The following SUGP2 variants were observed in gnomAD, a reference collection of about 807,000 sequenced individuals.
SUGP2 encodes SURP and G-patch domain-containing protein 2.
SUGP2 carries 24 observed loss-of-function variants against 90.5 expected under a neutral mutation model. The ratio of observed to expected loss-of-function variants is 0.27; its 90% CI spans 0.19 to 0.37. The LOEUF (loss-of-function observed/expected upper bound fraction) is 0.37. Ranked by LOEUF, SUGP2 falls within the 10% of genes least tolerant of loss-of-function variation. The pLI is 1.00. For synonymous variants in SUGP2, 473 were observed against 513.4 expected, an observed-to-expected ratio of 0.92 and a Z score of 1.06; for missense variants, 1,233 against 1,363.3, an observed-to-expected ratio of 0.90 and a Z score of 1.51.
In SUGP2 at chr19:19,004,285, C is replaced by T. The variant is rs143253555; in HGVS notation, c.2812G>A (p.Ala938Thr). ...GTACCTGAGGAGGCCTGTGACAAGG[C>T]AGGTGCTCCAGCCAGGTCGTCCTCG... Reference protein sequence around the residue: ...AAEDDLAGAPALSQASSGTCF... With the variant: ...AAEDDLAGAPTLSQASSGTCF... Residue 938 changes from alanine (A) to threonine (T), a missense_variant, in exon 7 of 11, where the codon GCC becomes ACC. Around this residue, in one of 8 missense-constraint regions of SUGP2, gnomAD observed 105 missense variants for 155.2 expected, o/e 0.68. Transcript: ENST00000452918. 3.1e-5 allele frequency: 50 copies of T among 1,613,928 alleles called. No individual in the cohort carries two copies. In the East Asian group the frequency reaches 5.3e-4, roughly 17 times the overall value.
intron 9 of SUGP2, 199 bp downstream of exon 9, chr19:18,994,945 T>G (rs1568370651): frequency 1.5e-6 from 1 of 651,834 alleles, no homozygotes; most frequent in African/African-American, 1.8e-5. Flanking sequence ...TTAAAAAATC[T>G]ACACCAGGAC....
At position 19,009,871 on chromosome 19, in the gene SUGP2, G is replaced by A. The variant is rs562691151; in HGVS notation, c.2322C>T (p.Pro774=). 1 of 1,608,528 alleles carries A rather than the reference G, an allele frequency of 6.2e-7. No homozygotes were observed. The change falls in exon 5 of 11, where the codon CCC becomes CCT. Residue 774 remains proline (P), a synonymous_variant. Transcript: ENST00000452918. ...AGCACCCACTGTCAGCAGATGGGCA[G>A]GGAGAAGAGGTCTGAGGTGCTTCAG... The part of the protein sequence containing the change: ...DISEAPQTSS[P]CPSADIDMKT...
In SUGP2 at chr19:19,004,372, G is replaced by A; in HGVS notation, c.2725C>T (p.Pro909Ser). Residue 909 changes from proline to serine, a missense_variant, in exon 7 of 11, where the codon CCT (proline) becomes TCT (serine). Transcript: ENST00000452918. ...DEDGGEEAPA[P>S]GGAGKSEGST... ...CCCTCAGACTTGCCCGCCCCTCCAG[G>A]AGCGGGGGCCTCCTCTCCCCCATCC... 2 of 1,613,810 alleles carry A rather than the reference G, an allele frequency of 1.2e-6. No individual in the cohort carries two copies. The highest frequency in any genetic ancestry group is 8.5e-7 in the Non-Finnish European group (1 of 1,179,848).
At chr19:19,029,987 G>T (rs868335538) in intron 2 of SUGP2, among the ~76,000 whole-genome samples, 25 of 151,722 alleles carry the variant, frequency 1.6e-4, no homozygotes, top group Non-Finnish European at 2.8e-4. Flanking sequence ...CCTGGGCAGC[G>T]GTGACAGGGA....
chr19:19,005,877 A>C lies in SUGP2; in HGVS notation c.2451-1231T>G, dbSNP rs1568400839. On this transcript the variant is annotated intron_variant, in intron 6 of 10. Transcript: ENST00000452918. ...CACACACACACACACACACACACACACACACACACACACACCACACACACA... is the reference window on the plus strand; with the variant it reads ...CACACACACACACACACACACACACCCACACACACACACACCACACACACA... Among the ~76,000 whole-genome samples the C allele has an allele frequency of 8.6e-5, 5 of 58,008 alleles. 1 individual carries two copies. Among genetic ancestry groups the C allele is most frequent in the African/African-American group, 4.0e-4 (4 of 10,014 alleles). 38.1% of individuals were successfully genotyped at this position (58,008 alleles called of 152,430 possible). A position where few individuals can be genotyped will look rare whatever the true frequency, so the allele number is the denominator to read the frequency against.
chr19:19,016,187 C>T (rs942611839), intron 4 of SUGP2, among the ~76,000 whole-genome samples: 1 of 152,150 alleles, frequency 6.6e-6, no homozygotes, highest in Admixed American at 6.5e-5. Flanking sequence ...CGCCACCAGG[C>T]CCGGCTAATT....
rs35875282 is a variant in SUGP2 at position 18,997,782 on chromosome 19, C to CAA, written c.2992-2504_2992-2503dup. Among the ~76,000 whole-genome samples, 315 of 88,004 alleles carry CAA rather than the reference C, an allele frequency of 3.6e-3. 2 individuals carry two copies. Among genetic ancestry groups the CAA allele is most frequent in the South Asian group, 5.0e-3 (12 of 2,384 alleles). The allele number at this position is 88,004 out of a possible 152,430, so 57.7% of individuals were successfully genotyped here. A position where few individuals can be genotyped will look rare whatever the true frequency, so the allele number is the denominator to read the frequency against. On this transcript the variant is annotated intron_variant, in intron 8 of 10. Coordinates refer to ENST00000452918, the MANE Select transcript of SUGP2 (RefSeq NM_001017392.5). ...TTGGCGACAAAGGGAGACTCCGTCT[C>CAA]AAAAAAAAAAAAAAAAAAAAAGAAA...
chr19:19,013,871 T>C (rs1476705058), intron 4 of SUGP2, among the ~76,000 whole-genome samples: 1 of 152,190 alleles, frequency 6.6e-6, no homozygotes, highest in Non-Finnish European at 1.5e-5. Flanking sequence ...TCCTGCACTG[T>C]TGTTATCATT....
chr19:19,015,750 C>T (rs2058476866), intron 4 of SUGP2, among the ~76,000 whole-genome samples: 2 of 152,124 alleles, frequency 1.3e-5, no homozygotes. Flanking sequence ...AGTCATCTGT[C>T]CCCCTCGGTC....
At chr19:19,019,304 T>C (rs878942862) in intron 3 of SUGP2, 75 bp from the exon 4 acceptor site, 5 of 1,527,582 alleles carry the variant, frequency 3.3e-6, no homozygotes, top group African/African-American at 2.7e-5. Flanking sequence ...AGTTGAGTAG[T>C]TGGGGGCTTA....
chr19:19,026,477 G>A (rs2058937405), intron 2 of SUGP2, among the ~76,000 whole-genome samples: 1 of 152,126 alleles, frequency 6.6e-6, no homozygotes, highest in South Asian at 2.1e-4. Context: ...CCCTGATGAC[G>A]TCAACCCAGG....
At chr19:18,996,738 G>C (rs1480636027) in intron 8 of SUGP2, among the ~76,000 whole-genome samples, 1 of 152,154 alleles carries the variant, frequency 6.6e-6, no homozygotes, top group Non-Finnish European at 1.5e-5. Context: ...TTTTAGTAGA[G>C]ACGGGGTTTC....
chr19:19,012,903 AC>A (rs1278066544), intron 4 of SUGP2, among the ~76,000 whole-genome samples: 16 of 151,712 alleles, frequency 1.1e-4, no homozygotes, highest in South Asian at 4.2e-4. Context: ...TCGCTCTGTC[AC>A]CCAGGCTGGA....
At chr19:19,030,579 C>G (rs1466819530) in intron 2 of SUGP2, among the ~76,000 whole-genome samples, 1 of 151,980 alleles carries the variant, frequency 6.6e-6, no homozygotes, top group Non-Finnish European at 1.5e-5. Flanking sequence ...GGGAGGATAT[C>G]CAGTGAGAAG....
At chr19:19,031,784 G>A (rs958123516) in intron 1 of SUGP2, among the ~76,000 whole-genome samples, 4 of 150,688 alleles carry the variant, frequency 2.7e-5, no homozygotes, top group South Asian at 2.1e-4. Flanking sequence ...CATAATCCTC[G>A]CATGGTACTT....
intron 8 of SUGP2, among the ~76,000 whole-genome samples, chr19:18,998,127 C>T (rs1047318018): frequency 2.0e-5 from 3 of 152,218 alleles, no homozygotes; most frequent in African/African-American, 7.2e-5. Context: ...TGCCTCCATT[C>T]ATCTCTCCTA....
At chr19:19,009,756 C>T in intron 5 of SUGP2, 99 bp downstream of exon 5, 2 of 1,453,596 alleles carry the variant, frequency 1.4e-6, no homozygotes, top group Non-Finnish European at 1.8e-6. Flanking sequence ...TTATCCACTG[C>T]CTTGCCTAGA....
intron 1 of SUGP2, among the ~76,000 whole-genome samples, chr19:19,032,395 G>A (rs1025613582): frequency 5.9e-5 from 9 of 152,120 alleles, no homozygotes; most frequent in Non-Finnish European, 1.3e-4. Flanking sequence ...CTGACCTCAA[G>A]TGATTCGCCC....
At chr19:19,001,480 G>A in intron 8 of SUGP2, 133 bp downstream of exon 8, 1 of 914,584 alleles carries the variant, frequency 1.1e-6, no homozygotes, top group Non-Finnish European at 1.8e-6. Flanking sequence ...AAAAGTCTCT[G>A]TTGTGTTTTA....
Sources: gnomAD v4.1 joint callset for allele counts (sites outside exome capture counted in the v4.1 genomes callset) on GRCh38, gnomAD v4.1.1 for gene constraint, gnomAD v4.1.1 regional missense constraint, MANE v1.5 for transcripts, NCBI Gene and HGNC (gene_info 2026-07-23, HGNC 2026-07-21) for gene names.